The following CCT8 variants were observed in gnomAD, a reference collection of about 807,000 sequenced individuals.
CCT8 encodes T-complex protein 1 subunit theta.
CCT8 carries 10 observed loss-of-function variants against 65.7 expected under a neutral mutation model. The observed-to-expected ratio is 0.15, with a 90% confidence interval of 0.09 to 0.26. CCT8 has a LOEUF of 0.26. CCT8 is among the 10% of genes least tolerant of loss of function. CCT8 has a pLI of 1.00. For synonymous variants in CCT8, 199 were observed against 221.8 expected, an observed-to-expected ratio of 0.90 and a Z score of 0.92; for missense variants, 568 against 669.1, an observed-to-expected ratio of 0.85 and a Z score of 1.67.
At chr21:29,068,601 A>T (rs1252982227) in intron 3 of CCT8, among the ~76,000 whole-genome samples, 1 of 152,104 alleles carries the variant, frequency 6.6e-6, no homozygotes, top group Non-Finnish European at 1.5e-5. Context: ...CTGGAACTAC[A>T]GGTGTGTGCC....
rs562347962 is a variant in CCT8, at chr21:29,063,615, T to C, written c.763-85A>G. On this transcript the variant is annotated intron_variant, in intron 7 of 14. Transcript: ENST00000286788. The stretch of plus-strand genomic sequence containing the variant: ...ATTAGATAATAGTTGACTGAAGAAA[T>C]AAAGGTTTGGCAAAAAAATATGAAG... The C allele has an allele frequency of 3.5e-5, 48 of 1,391,154 alleles. 1 individual carries two copies. In the South Asian group the frequency reaches 5.7e-4, roughly 17 times the overall value. The allele number at this position is 1,391,154 out of a possible 1,614,324, so 86.2% of individuals were successfully genotyped here. A position where few individuals can be genotyped will look rare whatever the true frequency, so the allele number is the denominator to read the frequency against.
intron 1 of CCT8, chr21:29,073,285 C>G (rs1312802402): frequency 7.3e-7 from 1 of 1,366,198 alleles, no homozygotes; most frequent in Admixed American, 3.1e-5. Context: ...CGTCCACCTT[C>G]AAGGTGTACA....
At chr21:29,062,759 A>G (rs1295319484) in intron 8 of CCT8, 9 of 595,288 alleles carry the variant, frequency 1.5e-5, no homozygotes, top group Non-Finnish European at 2.7e-5. Context: ...CAGCTGGCCA[A>G]TAGTACCACA....
intron 2 of CCT8, among the ~76,000 whole-genome samples, chr21:29,070,035 A>G (rs1423850510): frequency 6.6e-6 from 1 of 152,204 alleles, no homozygotes; most frequent in Non-Finnish European, 1.5e-5. Context: ...TCCTCTCAAC[A>G]GGATAAAAAG....
At chr21:29,061,872 T>C (rs2085567846) in intron 11 of CCT8, among the ~76,000 whole-genome samples, 1 of 152,228 alleles carries the variant, frequency 6.6e-6, no homozygotes, top group African/African-American at 2.4e-5. Context: ...TACATTACAA[T>C]GGAAAACAAC....
Position 29,064,803 on chromosome 21 carries a change from C to A in CCT8, c.762+165G>T, listed in dbSNP as rs567242006. On this transcript the variant is annotated intron_variant, in intron 7 of 14. Coordinates refer to ENST00000286788, the MANE Select transcript of CCT8 (RefSeq NM_006585.4). ...ATCTTTATATTTCCAGTTTAATGTT[C>A]AGTAGTTGAATTAGATATTTGAAGA... 2.6e-5 allele frequency among the ~76,000 whole-genome samples: 4 copies of A among 152,098 alleles called. No individual in the cohort carries two copies. The South Asian group carries it at 8.3e-4, about 32-fold the overall frequency.
chr21:29,061,367 A>G lies in CCT8; in HGVS notation c.1335T>C (p.Phe445=). Residue 445 remains phenylalanine, a synonymous_variant, in exon 13 of 15, where the codon TTT becomes TTC. Coordinates refer to ENST00000286788, the MANE Select transcript of CCT8 (RefSeq NM_006585.4). ...QYAIKKFAEA[F]EAIPRALAEN... is the part of the protein sequence containing the mutation. The stretch of plus-strand genomic sequence containing the variant: ...CTGCCAGTGCGCGGGGAATAGCTTC[A>G]AATGCCTCAGCAAACTTCTTAATAG... 6.2e-7 allele frequency: 1 copy of G among 1,614,096 alleles called. No individual in the cohort carries two copies. Among genetic ancestry groups the G allele is most frequent in the Non-Finnish European group, 8.5e-7 (1 of 1,179,950 alleles).
In CCT8 at chr21:29,066,922, T is replaced by C. The variant is rs561148305; in HGVS notation, c.531A>G (p.Val177=). The C allele has an allele frequency of 4.7e-5, 75 of 1,609,466 alleles. No individual in the cohort carries two copies. The South Asian group carries it at 7.5e-4, about 16-fold the overall frequency. ...CCTGAGCAATAAGCTTGGCCAGAAA[T>C]ACTTCATTACCATATTGTTTACTCA... The part of the protein sequence containing the change: ...SIMSKQYGNE[V]FLAKLIAQAC... Residue 177 remains valine (V), a synonymous_variant, in exon 5 of 15, where the codon GTA becomes GTG. Transcript: ENST00000286788.
rs376306326 is a variant in CCT8, at chr21:29,061,433, G to A, written c.1285-16C>T. The A allele has an allele frequency of 1.4e-5, 22 of 1,613,544 alleles. No individual in the cohort carries two copies. The highest frequency in any genetic ancestry group is 5.0e-5 in the Admixed American group (3 of 59,942). ...CAGGACATGTCTAAAACAAAAATGC[G>A]TTAATTACTGTCTTTTATTCAAGCA... is the stretch of plus-strand genomic sequence containing the variant. On this transcript the variant is annotated splice_polypyrimidine_tract_variant and intron_variant, in intron 12 of 14. Transcript: ENST00000286788.
At chr21:29,072,045 G>A in intron 1 of CCT8, 1 of 691,612 alleles carries the variant, frequency 1.4e-6, no homozygotes, top group African/African-American at 1.8e-5. Context: ...TCCTTCCTCA[G>A]GGTCTTTGTA....
rs369493335 is a variant in CCT8 at position 29,061,503 on chromosome 21, T to C, written c.1277A>G (p.Tyr426Cys). The stretch of plus-strand genomic sequence containing the variant: ...ATACAGAAAAAGCTGTACCTCTCCA[T>C]ATGATGTGATCTGTTTGGCTAATTC... ...EIELAKQITS[Y>C]GETCPGLEQY... Residue 426 changes from tyrosine to cysteine, a missense_variant, in exon 12 of 15, where the codon TAT becomes TGT. Tyr to Cys is a radical substitution (Grantham distance 194). Transcript: ENST00000286788. 6.2e-7 allele frequency: 1 copy of C among 1,614,008 alleles called. No homozygotes were observed. Among genetic ancestry groups the C allele is most frequent in the Non-Finnish European group, 8.5e-7 (1 of 1,179,874 alleles).
chr21:29,062,041 G>C (rs554166838), intron 11 of CCT8, 87 bp downstream of exon 11: 1 of 852,154 alleles, frequency 1.2e-6, no homozygotes, highest in Admixed American at 2.2e-5. Flanking sequence ...AAGTTCTCAT[G>C]ATGTGCAAGA....
In CCT8 at chr21:29,064,987, C is replaced by T. The variant is rs2085605688; in HGVS notation, c.743G>A (p.Gly248Asp). ...KIAVYSCPFD[G>D]MITETKGTVL... is the part of the protein sequence containing the mutation. ...ACATACCTTAGTTTCTGTTATCATG[C>T]CATCAAAAGGACAAGAGTACACTGC... Residue 248 changes from glycine to aspartate, a missense_variant, in exon 7 of 15, where the codon GGC becomes GAC. Coordinates refer to ENST00000286788, the MANE Select transcript of CCT8 (RefSeq NM_006585.4). The T allele has an allele frequency of 3.1e-6, 5 of 1,613,686 alleles. No homozygotes were observed. Among genetic ancestry groups the T allele is most frequent in the Non-Finnish European group, 4.2e-6 (5 of 1,179,770 alleles).
At chr21:29,067,323 A>G (rs2085634915) in intron 4 of CCT8, among the ~76,000 whole-genome samples, 1 of 152,110 alleles carries the variant, frequency 6.6e-6, no homozygotes, top group African/African-American at 2.4e-5. Context: ...TTTCTCATCT[A>G]AAATAAAGTG....
At position 29,063,625 on chromosome 21, in the gene CCT8, G is replaced by C. The variant is rs528040551; in HGVS notation, c.763-95C>G. On this transcript the variant is annotated intron_variant, in intron 7 of 14. Transcript: ENST00000286788. ...AGTTGACTGAAGAAATAAAGGTTTG[G>C]CAAAAAAATATGAAGATATATGTGC... is the stretch of plus-strand genomic sequence containing the variant. The C allele has an allele frequency of 2.5e-6, 3 of 1,215,742 alleles. No homozygotes were observed. In the South Asian group the frequency reaches 4.1e-5, roughly 17 times the overall value. 75.3% of individuals were successfully genotyped at this position (1,215,742 alleles called of 1,614,324 possible). A position where few individuals can be genotyped will look rare whatever the true frequency, so the allele number is the denominator to read the frequency against.
Position 29,056,351 on chromosome 21 carries a change from T to C in CCT8, c.*124A>G, listed in dbSNP as rs2085498095. 4.0e-6 allele frequency: 2 copies of C among 495,298 alleles called. No individual in the cohort carries two copies. Among genetic ancestry groups the C allele is most frequent in the African/African-American group, 3.9e-5 (2 of 50,660 alleles). The allele number at this position is 495,298 out of a possible 1,614,324, so 30.7% of individuals were successfully genotyped here. A position where few individuals can be genotyped will look rare whatever the true frequency, so the allele number is the denominator to read the frequency against. ...TTTGACAGTAACAATATGTTTATTA[T>C]AACATCCAGCCAAGAATACAAACAC... is the stretch of plus-strand genomic sequence containing the variant. On this transcript the variant is annotated 3_prime_UTR_variant, in exon 15 of 15. Coordinates refer to ENST00000286788, the MANE Select transcript of CCT8 (RefSeq NM_006585.4).
intron 1 of CCT8, among the ~76,000 whole-genome samples, chr21:29,070,694 G>A (rs903472480): frequency 9.9e-5 from 15 of 152,106 alleles, no homozygotes; most frequent in African/African-American, 3.4e-4. Flanking sequence ...TTGGGGGACC[G>A]CAGGTACCTA....
At chr21:29,057,825 T>C (rs1481020110) in intron 14 of CCT8, among the ~76,000 whole-genome samples, 1 of 150,254 alleles carries the variant, frequency 6.7e-6, no homozygotes, top group Admixed American at 6.6e-5. Flanking sequence ...ATACATATGA[T>C]ATGTGTGATA....
chr21:29,072,204 G>C, intron 1 of CCT8: 1 of 462,120 alleles, frequency 2.2e-6, no homozygotes, highest in Non-Finnish European at 3.8e-6. Flanking sequence ...TTCTTTTACA[G>C]ACATTTTTAC....
Sources: gnomAD v4.1 joint callset for allele counts (sites outside exome capture counted in the v4.1 genomes callset) on GRCh38, gnomAD v4.1.1 for gene constraint, MANE v1.5 for transcripts, NCBI Gene and HGNC (gene_info 2026-07-23, HGNC 2026-07-21) for gene names.